The following SGCZ variants were observed in gnomAD, a reference collection of about 807,000 sequenced individuals.
SGCZ encodes sarcoglycan zeta.
In SGCZ, 40 loss-of-function variants were observed where a neutral mutation model predicts 41.3. The observed-to-expected ratio is 0.97, with a 90% CI of 0.75 to 1.26. SGCZ has a LOEUF of 1.26. SGCZ is among the 50% of genes most tolerant of loss of function. The pLI, the probability that SGCZ is intolerant of heterozygous loss-of-function variation, is 0.00. For missense variants in SGCZ, 552 were observed against 369.8 expected (o/e 1.49, Z -4.04); for synonymous variants, 206 against 137.5 (o/e 1.50, Z -3.49).
chr8:14,925,600 T>A (rs1379720862), intron 1 of SGCZ, among the ~76,000 whole-genome samples: 1 of 152,168 alleles, frequency 6.6e-6, no homozygotes, highest in Non-Finnish European at 1.5e-5. Context: ...AGACATTAAG[T>A]GTAATGGCAA....
chr8:14,548,445 T>C (rs536451636), intron 2 of SGCZ, among the ~76,000 whole-genome samples: 3 of 152,298 alleles, frequency 2.0e-5, no homozygotes, highest in South Asian at 2.1e-4. Flanking sequence ...TCTTAAATTG[T>C]TGCATATAAA....
At chr8:14,164,757 A>G (rs1804157230) in intron 4 of SGCZ, 55 bp from the exon 5 acceptor site, 1 of 1,589,300 alleles carries the variant, frequency 6.3e-7, no homozygotes. Flanking sequence ...AACCATTAAC[A>G]TGTATTTTTT....
At chr8:14,169,643 G>A (rs1369098538) in intron 4 of SGCZ, among the ~76,000 whole-genome samples, 1 of 152,132 alleles carries the variant, frequency 6.6e-6, no homozygotes, top group Non-Finnish European at 1.5e-5. Context: ...AGGGGTATGT[G>A]GGGCTGGCTA....
At chr8:14,826,507 A>ACACTT (rs2130585856) in intron 1 of SGCZ, among the ~76,000 whole-genome samples, 1 of 152,296 alleles carries the variant, frequency 6.6e-6, no homozygotes, top group South Asian at 2.1e-4. Flanking sequence ...AGGAATCGCC[A>ACACTT]CACTGACTTC....
At chr8:14,946,744 C>T (rs1332030734) in intron 1 of SGCZ, among the ~76,000 whole-genome samples, 1 of 149,236 alleles carries the variant, frequency 6.7e-6, no homozygotes, top group Non-Finnish European at 1.5e-5. Flanking sequence ...AGAACAATCT[C>T]AGCTCACTGC....
chr8:15,125,435 T>A (rs1354026246), intron 1 of SGCZ, among the ~76,000 whole-genome samples: 1 of 152,132 alleles, frequency 6.6e-6, no homozygotes, highest in Non-Finnish European at 1.5e-5. Flanking sequence ...TTAATTACCA[T>A]CAAAGGCCTA....
chr8:14,425,780 A>G (rs1799764635), intron 2 of SGCZ, among the ~76,000 whole-genome samples: 1 of 152,196 alleles, frequency 6.6e-6, no homozygotes, highest in African/African-American at 2.4e-5. Flanking sequence ...AAGAAGTAGT[A>G]AAAGTGGTAC....
At chr8:14,667,161 T>C (rs977988642) in intron 1 of SGCZ, among the ~76,000 whole-genome samples, 1 of 152,154 alleles carries the variant, frequency 6.6e-6, no homozygotes, top group East Asian at 1.9e-4. Context: ...TCTGAAACCA[T>C]TCTTTGGAAA....
At chr8:14,098,819 A>G (rs761739342) in intron 7 of SGCZ, among the ~76,000 whole-genome samples, 1 of 152,132 alleles carries the variant, frequency 6.6e-6, no homozygotes, top group Non-Finnish European at 1.5e-5. Context: ...CAGCCTTAGA[A>G]TCAAGCATGA....
intron 5 of SGCZ, among the ~76,000 whole-genome samples, chr8:14,158,049 GT>G (rs1203193057): frequency 2.0e-5 from 3 of 151,718 alleles, no homozygotes; most frequent in East Asian, 3.9e-4. Context: ...CAGGGTGCTG[GT>G]AATTGTGCCA....
chr8:14,815,279 TAGA>T (rs1323168194), intron 1 of SGCZ, among the ~76,000 whole-genome samples: 2 of 150,370 alleles, frequency 1.3e-5, no homozygotes, highest in Non-Finnish European at 3.0e-5. Flanking sequence ...AAATAAAAAA[TAGA>T]AGGCAAAGAA....
intron 1 of SGCZ, among the ~76,000 whole-genome samples, chr8:14,880,740 G>A (rs145706865): frequency 0.017 from 2,612 of 152,208 alleles, 70 homozygotes; most frequent in African/African-American, 0.06. Flanking sequence ...ACTCATAGGT[G>A]GGAATTGAAC....
chr8:14,167,109 T>C (rs1023460673), intron 4 of SGCZ, among the ~76,000 whole-genome samples: 1 of 152,206 alleles, frequency 6.6e-6, no homozygotes, highest in African/African-American at 2.4e-5. Flanking sequence ...ATTGCTTTTC[T>C]TTCCTGCAAA....
intron 3 of SGCZ, among the ~76,000 whole-genome samples, chr8:14,274,764 C>G (rs953583185): frequency 6.6e-6 from 1 of 151,868 alleles, no homozygotes; most frequent in African/African-American, 2.4e-5. Flanking sequence ...ATTTTATATT[C>G]ATGCTTCTCA....
intron 1 of SGCZ, among the ~76,000 whole-genome samples, chr8:14,833,820 A>T (rs915200222): frequency 1.0e-5 from 1 of 96,118 alleles, no homozygotes; most frequent in Non-Finnish European, 1.8e-5. Flanking sequence ...GGGATGATCC[A>T]GGAAAAAAAA....
intron 1 of SGCZ, among the ~76,000 whole-genome samples, chr8:15,026,360 G>GA (rs1312708089): frequency 6.6e-6 from 1 of 152,154 alleles, no homozygotes; most frequent in Non-Finnish European, 1.5e-5. Flanking sequence ...TTCCGGAACA[G>GA]AAAAGAGTCC....
chr8:15,016,083 A>G (rs745814114), intron 1 of SGCZ, among the ~76,000 whole-genome samples: 3 of 152,176 alleles, frequency 2.0e-5, no homozygotes, highest in African/African-American at 4.8e-5. Context: ...GATTAGCCAT[A>G]ACGAGTAAAA....
At chr8:14,481,185 A>T (rs1330309491) in intron 2 of SGCZ, among the ~76,000 whole-genome samples, 1 of 152,134 alleles carries the variant, frequency 6.6e-6, no homozygotes, top group Non-Finnish European at 1.5e-5. Context: ...TGAATAGTTA[A>T]TTAATATATG....
Position 14,808,798 on chromosome 8 carries a change from C to A in SGCZ, c.40-253872G>T, listed in dbSNP as rs372655710. Among the ~76,000 whole-genome samples the A allele has an allele frequency of 4.1e-4, 63 of 151,872 alleles. No individual in the cohort carries two copies. The East Asian group carries it at 0.012, about 28-fold the overall frequency. ...ATGCACACGTATGTTTATTGTGGCA[C>A]TATTCACAATAGCAAAGACTTGGAA... On this transcript the variant is annotated intron_variant, in intron 1 of 7. Coordinates refer to ENST00000382080, the MANE Select transcript of SGCZ (RefSeq NM_139167.4).
Sources: allele counts gnomAD v4.1 joint callset (sites outside exome capture counted in the v4.1 genomes callset), GRCh38; gene constraint gnomAD v4.1.1; transcripts MANE v1.5; gene names NCBI Gene and HGNC (gene_info 2026-07-23, HGNC 2026-07-21).